Variants in MAX observed in about 807,000 individuals in gnomAD.
The protein encoded by MAX is MYC associated transcriptional regulator X.
In MAX, 3 loss-of-function variants were observed where a neutral mutation model predicts 22.3. That is an observed-to-expected ratio of 0.13 (90% CI 0.06 to 0.35). MAX has a LOEUF of 0.35. MAX is among the 10% of genes least tolerant of loss of function. The pLI is 1.00. For synonymous variants in MAX, 72 were observed against 77.7 expected, an observed-to-expected ratio of 0.93 and a Z score of 0.39; for missense variants, 119 against 209.4, an observed-to-expected ratio of 0.57 and a Z score of 2.66.
At position 65,062,536 on chromosome 14, in the gene MAX, G is replaced by A. The variant is rs972321625; in HGVS notation, c.171+31172C>T. On this transcript the variant is annotated intron_variant, in intron 3 of 3. Transcript: ENST00000341653. This position sits in a 1 kb window ranked among gnomAD's most constrained non-coding sequence, Gnocchi z 4.3. Reference sequence around the variant, plus strand: ...GGCTGCGGGCAGACAGGAGCTCAGAGATGCAGCATGAGGCGCTTAGAAAAA... The same window carrying A: ...GGCTGCGGGCAGACAGGAGCTCAGAAATGCAGCATGAGGCGCTTAGAAAAA... 1 of 152,702 alleles carries A rather than the reference G, an allele frequency of 6.5e-6. No individual in the cohort carries two copies. The highest frequency in any genetic ancestry group is 2.4e-5 in the African/African-American group (1 of 41,470). 9.5% of individuals were successfully genotyped at this position (152,702 alleles called of 1,614,324 possible). A position where few individuals can be genotyped will look rare whatever the true frequency, so the allele number is the denominator to read the frequency against.
In MAX at chr14:65,077,874, C is replaced by G; in HGVS notation, c.295+39G>C. 6.2e-7 allele frequency: 1 copy of G among 1,614,204 alleles called. No individual in the cohort carries two copies. Among genetic ancestry groups the G allele is most frequent in the Non-Finnish European group, 8.5e-7 (1 of 1,180,034 alleles). On this transcript the variant is annotated intron_variant, in intron 4 of 4. Coordinates refer to ENST00000358664, the MANE Select transcript of MAX (RefSeq NM_002382.5). The surrounding 1 kb of genome is among the most constrained non-coding windows in gnomAD (Gnocchi z 6.3). ...GTGCCAAAGCCTGACCTGGCTGGAG[C>G]ACAGCAGGGCCAGCTGCCCCACGAG...
rs548466281 is a variant in MAX, at chr14:65,054,636, G to A, written c.171+39072C>T. Reference sequence around the variant, plus strand: ...CGGCCTGTCCATAGCCCAGCACTTCGGCAGCGGAGCCATGTTGCATGATGT... The same window carrying A: ...CGGCCTGTCCATAGCCCAGCACTTCAGCAGCGGAGCCATGTTGCATGATGT... On this transcript the variant is annotated intron_variant, in intron 3 of 3. Coordinates refer to the MAX transcript ENST00000341653. The surrounding 1 kb of genome is among the most constrained non-coding windows in gnomAD (Gnocchi z 4.4). 6 of 1,613,728 alleles carry A rather than the reference G, an allele frequency of 3.7e-6. No individual in the cohort carries two copies. The highest frequency in any genetic ancestry group is 4.5e-5 in the East Asian group (2 of 44,836).
chr14:65,086,852 G>C (rs2063347270), intron 3 of MAX, among the ~76,000 whole-genome samples: 1 of 152,200 alleles, frequency 6.6e-6, no homozygotes, highest in South Asian at 2.1e-4. Context: ...AATGTCTCCA[G>C]GGCATGTCAG....
chr14:65,078,056 AGCACAGGG>A lies in MAX; in HGVS notation c.172-28_172-21del. Reference sequence around the variant, plus strand: ...GGATGCCTGTGGCAATATGAGAAAAAGCACAGGGGACAAAATAAAAACCCAATCCAGGC... The same window carrying A: ...GGATGCCTGTGGCAATATGAGAAAAAGACAAAATAAAAACCCAATCCAGGC... On this transcript the variant is annotated intron_variant, in intron 3 of 4. Coordinates refer to ENST00000358664, the MANE Select transcript of MAX (RefSeq NM_002382.5). The surrounding 1 kb of genome is among the most constrained non-coding windows in gnomAD (Gnocchi z 6.4). 1 of 1,614,170 alleles carries A rather than the reference AGCACAGGG, an allele frequency of 6.2e-7. No homozygotes were observed. The highest frequency in any genetic ancestry group is 8.5e-7 in the Non-Finnish European group (1 of 1,180,032).
intron 3 of MAX, among the ~76,000 whole-genome samples, chr14:65,064,520 C>T (rs147305225): frequency 3.7e-4 from 57 of 152,332 alleles, no homozygotes; most frequent in African/African-American, 1.3e-3. Flanking sequence ...CCAGACCCTA[C>T]ATCCTGTTGG....
intron 3 of MAX, chr14:65,061,144 C>T (rs767137731): frequency 1.1e-5 from 18 of 1,611,890 alleles, no homozygotes; most frequent in African/African-American, 2.7e-5. Context: ...CAAGGACCAC[C>T]GGGGTGATTA....
At chr14:65,063,828 G>A (rs2062903405) in intron 3 of MAX, among the ~76,000 whole-genome samples, 1 of 152,202 alleles carries the variant, frequency 6.6e-6, no homozygotes. Context: ...GCCTCCCAAA[G>A]TGCTGAGATT....
At chr14:65,058,917 A>G (rs1244362145) in intron 3 of MAX, among the ~76,000 whole-genome samples, 1 of 152,230 alleles carries the variant, frequency 6.6e-6, no homozygotes, top group Non-Finnish European at 1.5e-5. Flanking sequence ...TTCATAAGAA[A>G]GATTGATCTA....
chr14:65,092,831 C>T (rs1236040400), intron 3 of MAX, among the ~76,000 whole-genome samples: 2 of 152,200 alleles, frequency 1.3e-5, no homozygotes, highest in Non-Finnish European at 2.9e-5. Flanking sequence ...TCAAAGTGCA[C>T]CCAAAAGCAA....
chr14:65,044,774 G>A lies in MAX; in HGVS notation c.172-38490C>T. The stretch of plus-strand genomic sequence containing the variant: ...TCCTGTCCTGGGCTCTGTGGTGATT[G>A]CCACCTCCTCTGGGTGCAGGGCAGA... On this transcript the variant is annotated intron_variant, in intron 3 of 3. Coordinates refer to the MAX transcript ENST00000341653. This position sits in a 1 kb window ranked among gnomAD's most constrained non-coding sequence, Gnocchi z 5.5. The A allele has an allele frequency of 3.5e-6, 1 of 284,942 alleles. No homozygotes were observed. The allele number at this position is 284,942 out of a possible 1,614,324, so 17.7% of individuals were successfully genotyped here. A position where few individuals can be genotyped will look rare whatever the true frequency, so the allele number is the denominator to read the frequency against.
intron 3 of MAX, chr14:65,061,471 G>C (rs2062864560): frequency 1.6e-6 from 2 of 1,282,408 alleles, no homozygotes; most frequent in Admixed American, 5.8e-5. Context: ...AATGGCTCTG[G>C]GTTTGGAGAA....
rs36123699 is a variant in MAX, at chr14:65,024,328, A to ATT, written c.172-18046_172-18045dup. On this transcript the variant is annotated intron_variant, in intron 3 of 3. Coordinates refer to the MAX transcript ENST00000341653. ...AATTAGGTGTGGCTTGGGTGTTGGG[A>ATT]TTTTTTTAAAACACCCCCCAAGTAA... 2.7e-3 allele frequency among the ~76,000 whole-genome samples: 406 copies of ATT among 151,936 alleles called. 2 individuals carry two copies. The highest frequency in any genetic ancestry group is 0.013 in the South Asian group (61 of 4,804).
chr14:65,037,402 C>CTTTTTT (rs765037575), intron 3 of MAX, among the ~76,000 whole-genome samples: 20 of 14,530 alleles, frequency 1.4e-3, no homozygotes, highest in Admixed American at 2.1e-3. Flanking sequence ...CACGCCGGGC[C>CTTTTTT]CTTTTTTTTT....
At chr14:65,036,440 T>G (rs2062195399) in intron 3 of MAX, among the ~76,000 whole-genome samples, 1 of 152,036 alleles carries the variant, frequency 6.6e-6, no homozygotes, top group Admixed American at 6.6e-5. Flanking sequence ...TTTTCCCATG[T>G]TGCCCAGGCT....
Position 65,012,419 on chromosome 14 carries a change from T to C in MAX, c.172-6135A>G. The C allele has an allele frequency of 6.2e-7, 1 of 1,613,566 alleles. No individual in the cohort carries two copies. Among genetic ancestry groups the C allele is most frequent in the Non-Finnish European group, 8.5e-7 (1 of 1,179,530 alleles). ...ACACATTACCCAGGAACTCTTGCTG[T>C]CAAATTATCCACCAAATCCTCCTCC... On this transcript the variant is annotated intron_variant, in intron 3 of 3. Transcript: ENST00000341653. The surrounding 1 kb of genome is among the most constrained non-coding windows in gnomAD (Gnocchi z 5.0).
At chr14:65,006,128 G>A (rs2061583080), downstream of MAX, 6 of 1,600,980 alleles carry the variant, frequency 3.7e-6, no homozygotes, top group East Asian at 1.3e-4. Flanking sequence ...ATTATAAATA[G>A]GTCCAGCTTT....
intron 2 of MAX, among the ~76,000 whole-genome samples, chr14:65,095,961 A>G (rs1316166240): frequency 3.3e-5 from 5 of 152,098 alleles, no homozygotes; most frequent in Non-Finnish European, 7.4e-5. Context: ...CATCCCCACA[A>G]TGCACTACCC....
intron 3 of MAX, among the ~76,000 whole-genome samples, chr14:65,053,625 T>TAAAAAAAAAAACAAAAA (rs201558638): frequency 6.8e-6 from 1 of 146,246 alleles, no homozygotes; most frequent in African/African-American, 2.7e-5. Flanking sequence ...CTTCTTTTTT[T>TAAAAAAAAAAACAAAAA]TAAAAAAAAC....
At chr14:65,048,721 G>A (rs945573936) in intron 3 of MAX, among the ~76,000 whole-genome samples, 2 of 152,094 alleles carry the variant, frequency 1.3e-5, no homozygotes, top group African/African-American at 4.8e-5. Context: ...CAGACATGGT[G>A]GCACATGCCT....
Sources: allele counts gnomAD v4.1 joint callset (sites outside exome capture counted in the v4.1 genomes callset), GRCh38; gene constraint gnomAD v4.1.1; non-coding constraint Gnocchi (gnomAD v3.1); transcripts MANE v1.5; gene names NCBI Gene and HGNC (gene_info 2026-07-23, HGNC 2026-07-21).